Variants in PPFIA4 observed in about 807,000 individuals in gnomAD.
PPFIA4 encodes the protein liprin-alpha-4.
Under a neutral mutation model 145.7 loss-of-function variants are expected in PPFIA4, and 98 were observed. The ratio of observed to expected loss-of-function variants is 0.67; its 90% CI spans 0.57 to 0.80. The LOEUF (loss-of-function observed/expected upper bound fraction) is 0.80. Ranked by LOEUF, PPFIA4 falls within the 30% of genes least tolerant of loss-of-function variation. PPFIA4 has a pLI of 0.00. For synonymous variants in PPFIA4, 628 were observed against 649.6 expected, an observed-to-expected ratio of 0.97 and a Z score of 0.51; for missense variants, 1,457 against 1,632.7, an observed-to-expected ratio of 0.89 and a Z score of 1.85.
Position 203,056,774 on chromosome 1 carries a change from C to A in PPFIA4, c.2241-10C>A. 6.3e-7 allele frequency: 1 copy of A among 1,590,438 alleles called. No homozygotes were observed. The highest frequency in any genetic ancestry group is 8.6e-7 in the Non-Finnish European group (1 of 1,163,798). The stretch of plus-strand genomic sequence containing the variant: ...TCTTATTCCGCCCCCTTCTGGCTGT[C>A]ACCCTGTAGTGCCTTGGAGGATCAG... On this transcript the variant is annotated splice_polypyrimidine_tract_variant and intron_variant, in intron 18 of 29. Coordinates refer to ENST00000295706, the MANE Select transcript of PPFIA4 (RefSeq NM_001304331.2).
At position 203,051,403 on chromosome 1, in the gene PPFIA4, C is replaced by T. The variant is rs142357089; in HGVS notation, c.1512-366C>T. 884 of 850,356 alleles carry T rather than the reference C, an allele frequency of 1.0e-3. 8 individuals are homozygous for T. In the African/African-American group the frequency reaches 0.015, roughly 14 times the overall value. 52.7% of individuals were successfully genotyped at this position (850,356 alleles called of 1,614,324 possible). On this transcript the variant is annotated intron_variant, in intron 13 of 29. Transcript: ENST00000295706. The stretch of plus-strand genomic sequence containing the variant: ...TCTCCCAGTGCCTGGAGCCCTCCTG[C>T]GCCACGTGTGTCAGATGGCCGGAGA...
At chr1:203,037,757 G>A (rs958784983) in intron 1 of PPFIA4, among the ~76,000 whole-genome samples, 8 of 152,212 alleles carry the variant, frequency 5.3e-5, no homozygotes, top group Admixed American at 1.3e-4. Flanking sequence ...ATGACGCCAA[G>A]AGAGCAGATT....
intron 29 of PPFIA4, chr1:203,076,048 G>C (rs1461828950): frequency 1.7e-6 from 1 of 584,390 alleles, no homozygotes; most frequent in African/African-American, 1.9e-5. Context: ...CCCGCCCCGG[G>C]TCTGACGGGG....
intron 2 of PPFIA4, among the ~76,000 whole-genome samples, chr1:203,042,757 C>T (rs1571677577): frequency 7.0e-6 from 1 of 143,518 alleles, no homozygotes; most frequent in East Asian, 2.1e-4. Flanking sequence ...CTGCCTCAGC[C>T]TCTGGAGTAG....
Position 203,048,984 on chromosome 1 carries a change from C to G in PPFIA4, c.1419+4C>G. ...TGAGGAGCAGCACCACCACAAGGTA[C>G]CCGGCTGCGGCCAGCCCCGCCCAGC... On this transcript the variant is annotated splice_donor_region_variant and intron_variant, in intron 12 of 29. Coordinates refer to ENST00000295706, the MANE Select transcript of PPFIA4 (RefSeq NM_001304331.2). This position sits in a 1 kb window ranked among gnomAD's most constrained non-coding sequence, Gnocchi z 5.8. 1 of 1,548,354 alleles carries G rather than the reference C, an allele frequency of 6.5e-7. No individual in the cohort carries two copies. Among genetic ancestry groups the G allele is most frequent in the African/African-American group, 1.4e-5 (1 of 73,052 alleles).
chr1:203,034,643 G>GCCTTTT, intron 1 of PPFIA4: 1 of 456,690 alleles, frequency 2.2e-6, no homozygotes, highest in Non-Finnish European at 4.4e-6. Flanking sequence ...GGAGGATGGG[G>GCCTTTT]CCTTCCAGTG....
intron 17 of PPFIA4, 96 bp downstream of exon 17, chr1:203,056,251 G>T: frequency 1.3e-6 from 2 of 1,598,446 alleles, no homozygotes; most frequent in South Asian, 2.2e-5. Context: ...GTCTGAGTCT[G>T]AACTCAGAGA....
rs749632329 is a variant in PPFIA4 at position 203,039,142 on chromosome 1, G to A, written c.134G>A (p.Arg45Gln). 1.1e-5 allele frequency: 18 copies of A among 1,607,434 alleles called. No individual in the cohort carries two copies. The highest frequency in any genetic ancestry group is 8.0e-5 in the African/African-American group (6 of 74,804). Reference sequence around the variant, plus strand: ...CGGGAGAAGTTGCTGGAGTCTCTTCGGGAGAGTCAGGAGACCTTGGCGGCC... The same window carrying A: ...CGGGAGAAGTTGCTGGAGTCTCTTCAGGAGAGTCAGGAGACCTTGGCGGCC... ...DEREKLLESLRESQETLAATQ... is the reference protein window; with the variant it reads ...DEREKLLESLQESQETLAATQ... The change falls in exon 2 of 30, where the codon CGG becomes CAG. Residue 45 changes from arginine to glutamine, a missense_variant. Arg to Gln is a conservative substitution (Grantham distance 43, BLOSUM62 1). Around this residue, in one of 3 missense-constraint regions of PPFIA4, gnomAD observed 463 missense variants for 459.8 expected, o/e 1.01. Coordinates refer to ENST00000295706, the MANE Select transcript of PPFIA4 (RefSeq NM_001304331.2).
chr1:203,048,516 A>G lies in PPFIA4; in HGVS notation c.1225-67A>G. On this transcript the variant is annotated intron_variant, in intron 10 of 29. Coordinates refer to ENST00000295706, the MANE Select transcript of PPFIA4 (RefSeq NM_001304331.2). This position sits in a 1 kb window ranked among gnomAD's most constrained non-coding sequence, Gnocchi z 5.8. The stretch of plus-strand genomic sequence containing the variant: ...TGAGAAGAGGACAGGGGAGGGAGTC[A>G]AACCCCAGCAGGAGAGGGTGGTCCT... 6.5e-7 allele frequency: 1 copy of G among 1,549,368 alleles called. No individual in the cohort carries two copies. The highest frequency in any genetic ancestry group is 8.7e-7 in the Non-Finnish European group (1 of 1,146,372).
At position 203,060,235 on chromosome 1, in the gene PPFIA4, G is replaced by C; in HGVS notation, c.2602G>C (p.Ala868Pro). The change falls in exon 22 of 30, where the codon GCC (alanine) becomes CCC (proline). Residue 868 changes from alanine (A) to proline (P), a missense_variant. This residue lies in a region of PPFIA4 where 848 missense variants were observed against 1,046.7 expected (regional missense o/e 0.81). Transcript: ENST00000295706. This position sits in a 1 kb window ranked among gnomAD's most constrained non-coding sequence, Gnocchi z 4.8. ...TCTGCAGCTCTGGGTGGGGATGCCT[G>C]CCTGGTATGTGGCAGCCTGCCGGGC... ...SWLELWVGMPAWYVAACRANV... is the reference protein window; with the variant it reads ...SWLELWVGMPPWYVAACRANV... The C allele has an allele frequency of 6.2e-7, 1 of 1,614,056 alleles. No individual in the cohort carries two copies. Among genetic ancestry groups the C allele is most frequent in the African/African-American group, 1.3e-5 (1 of 75,054 alleles).
intron 1 of PPFIA4, among the ~76,000 whole-genome samples, chr1:203,033,888 C>T (rs1193559220): frequency 6.6e-6 from 1 of 152,168 alleles, no homozygotes; most frequent in African/African-American, 2.4e-5. Flanking sequence ...GAGGCTGAGG[C>T]AGGAGAATCA....
In PPFIA4 at chr1:203,076,449, C is replaced by A; in HGVS notation, c.*59C>A. 1.3e-6 allele frequency: 2 copies of A among 1,510,480 alleles called. No homozygotes were observed. Among genetic ancestry groups the A allele is most frequent in the South Asian group, 1.1e-5 (1 of 88,890 alleles). 93.6% of individuals were successfully genotyped at this position (1,510,480 alleles called of 1,614,324 possible). A position where few individuals can be genotyped will look rare whatever the true frequency, so the allele number is the denominator to read the frequency against. Reference sequence around the variant, plus strand: ...GTTTCACAGGCTCCTCTGGCCCTGACCCCTCTTGCTCGTTCCCCTTCCTTC... The same window carrying A: ...GTTTCACAGGCTCCTCTGGCCCTGAACCCTCTTGCTCGTTCCCCTTCCTTC... On this transcript the variant is annotated 3_prime_UTR_variant, in exon 30 of 30. Transcript: ENST00000295706.
chr1:203,028,237 G>C (rs547063008), intron 1 of PPFIA4, among the ~76,000 whole-genome samples: 80 of 152,292 alleles, frequency 5.3e-4, no homozygotes, highest in Non-Finnish European at 9.3e-4. Flanking sequence ...CGTGATGTCA[G>C]AACCGTGTGG....
intron 8 of PPFIA4, 109 bp from the exon 9 acceptor site, chr1:203,046,139 A>G (rs990293096): frequency 8.3e-6 from 11 of 1,320,306 alleles, no homozygotes; most frequent in African/African-American, 1.7e-5. Context: ...AACAACCAAG[A>G]TTGTCCCTTG....
At chr1:203,034,467 G>C (rs1340409377) in intron 1 of PPFIA4, 1 of 456,246 alleles carries the variant, frequency 2.2e-6, no homozygotes, top group Non-Finnish European at 4.4e-6. Context: ...CTGGGCTGCA[G>C]GCCCACGTTG....
In PPFIA4 at chr1:203,058,578, A is replaced by G. The variant is rs942693765; in HGVS notation, c.2408-600A>G. On this transcript the variant is annotated intron_variant, in intron 19 of 29. Transcript: ENST00000295706. The stretch of plus-strand genomic sequence containing the variant: ...TCTGGATTACCCAAACTTGTTGCCT[A>G]CTGTGCACTGTGGGGGGGTGACCGG... 3.3e-5 allele frequency among the ~76,000 whole-genome samples: 5 copies of G among 152,208 alleles called. No individual in the cohort carries two copies. In the East Asian group the frequency reaches 9.6e-4, roughly 29 times the overall value.
At chr1:203,054,902 T>C (rs1660812095) in intron 15 of PPFIA4, among the ~76,000 whole-genome samples, 1 of 152,202 alleles carries the variant, frequency 6.6e-6, no homozygotes. Context: ...GTGGGCATCT[T>C]TACTGGAGCA....
chr1:203,068,395 A>C lies in PPFIA4; in HGVS notation c.3149-58A>C. 1 of 1,451,740 alleles carries C rather than the reference A, an allele frequency of 6.9e-7. No homozygotes were observed. The highest frequency in any genetic ancestry group is 9.4e-7 in the Non-Finnish European group (1 of 1,068,458). 89.9% of individuals were successfully genotyped at this position (1,451,740 alleles called of 1,614,324 possible). On this transcript the variant is annotated intron_variant, in intron 26 of 29. Coordinates refer to ENST00000295706, the MANE Select transcript of PPFIA4 (RefSeq NM_001304331.2). The surrounding 1 kb of genome is among the most constrained non-coding windows in gnomAD (Gnocchi z 4.7). ...TAGGGAGCTCTGCTTCTGTCCTTGG[A>C]GGGCCCTTGATGAAACGTAGTATCT... is the stretch of plus-strand genomic sequence containing the variant.
In PPFIA4 at chr1:203,051,772, G is replaced by A. The variant is rs745518347; in HGVS notation, c.1515G>A (p.Ser505=). ...GPFVDGVHSR[S]HMGSAADVRF... is the part of the protein sequence containing the mutation. The stretch of plus-strand genomic sequence containing the variant: ...CTCTCCCCCATCACCGCTCAAGGTC[G>A]CACATGGGCAGTGCAGCAGACGTGC... The change falls in exon 14 of 30, where the codon TCG becomes TCA. Residue 505 remains serine, a synonymous_variant. Transcript: ENST00000295706. 57 of 1,611,370 alleles carry A rather than the reference G, an allele frequency of 3.5e-5. No homozygotes were observed. The highest frequency in any genetic ancestry group is 6.7e-5 in the African/African-American group (5 of 74,922).
Sources: allele counts gnomAD v4.1 joint callset (sites outside exome capture counted in the v4.1 genomes callset), GRCh38; gene constraint gnomAD v4.1.1; regional missense constraint gnomAD v4.1.1; non-coding constraint Gnocchi (gnomAD v3.1); transcripts MANE v1.5; gene names NCBI Gene and HGNC (gene_info 2026-07-23, HGNC 2026-07-21).